Variants in APC observed in about 807,000 individuals in gnomAD.
APC encodes APC regulator of Wnt signaling pathway, also known as adenomatous polyposis coli protein.
A neutral mutation model predicts 247.0 loss-of-function variants in APC; 72 were observed. The ratio of observed to expected loss-of-function variants is 0.29; its 90% CI spans 0.24 to 0.35. APC has a LOEUF of 0.35. Ranked by LOEUF, APC falls within the 10% of genes least tolerant of loss-of-function variation. APC has a pLI of 1.00. For synonymous variants in APC, 1,254 were observed against 1,162.5 expected, an observed-to-expected ratio of 1.08 and a Z score of -1.60; for missense variants, 3,400 against 3,360.7, an observed-to-expected ratio of 1.01 and a Z score of -0.29.
At chr5:112,734,574 T>C (rs1752269621), upstream of APC, among the ~76,000 whole-genome samples, 1 of 152,204 alleles carries the variant, frequency 6.6e-6, no homozygotes, top group African/African-American at 2.4e-5. Context: ...AACTCTATTC[T>C]ATGTCTAAGG....
intron 6 of APC, among the ~76,000 whole-genome samples, chr5:112,783,468 C>T (rs1271482417): frequency 1.3e-5 from 2 of 151,904 alleles, no homozygotes; most frequent in Non-Finnish European, 2.9e-5. Context: ...AATATCCCTA[C>T]TCTACAAGGA....
chr5:112,766,805 T>TATAA, intron 3 of APC, among the ~76,000 whole-genome samples: 1 of 152,340 alleles, frequency 6.6e-6, no homozygotes, highest in South Asian at 2.1e-4. Flanking sequence ...TTTTCACATA[T>TATAA]ATAAGTTGAT....
Position 112,845,269 on chromosome 5 carries a change from T to C in APC, c.*1143T>C, listed in dbSNP as rs970594128. 4.3e-6 allele frequency: 1 copy of C among 232,664 alleles called. No homozygotes were observed. Among genetic ancestry groups the C allele is most frequent in the South Asian group, 1.8e-4 (1 of 5,522 alleles). 14.4% of individuals were successfully genotyped at this position (232,664 alleles called of 1,614,324 possible). Reference sequence around the variant, plus strand: ...TTTTTCTTACTCCACTGGAGCTCAGTAAAAGTAAATTCATGTAATAGCAAT... The same window carrying C: ...TTTTTCTTACTCCACTGGAGCTCAGCAAAAGTAAATTCATGTAATAGCAAT... On this transcript the variant is annotated 3_prime_UTR_variant, in exon 16 of 16. Coordinates refer to ENST00000257430, the MANE Select transcript of APC (RefSeq NM_000038.6).
At chr5:112,740,435 C>T (rs1487050360) in intron 1 of APC, among the ~76,000 whole-genome samples, 1 of 150,692 alleles carries the variant, frequency 6.6e-6, no homozygotes, top group Non-Finnish European at 1.5e-5. Flanking sequence ...CTGAATTGTG[C>T]TGTTTAAGGA....
intron 8 of APC, among the ~76,000 whole-genome samples, chr5:112,813,929 C>T (rs1762231260): frequency 6.6e-6 from 1 of 152,158 alleles, no homozygotes; most frequent in Non-Finnish European, 1.5e-5. Flanking sequence ...TTACCTTCTT[C>T]AATTAGCCAG....
intron 9 of APC, among the ~76,000 whole-genome samples, chr5:112,818,602 T>C (rs1580525446): frequency 6.6e-6 from 1 of 152,212 alleles, no homozygotes; most frequent in South Asian, 2.1e-4. Context: ...AACTACATTC[T>C]CTATGTGTGT....
chr5:112,815,849 T>C (rs1296875049), intron 9 of APC, among the ~76,000 whole-genome samples: 2 of 152,152 alleles, frequency 1.3e-5, no homozygotes, highest in East Asian at 3.9e-4. Context: ...GGCATGAGAA[T>C]AGTTGGAACC....
rs1194465545 is a variant in APC, at chr5:112,840,648, A to G, written c.5054A>G (p.Glu1685Gly). ...VRGGAQSGEFEKRDTIPTEGR... is the reference protein window; with the variant it reads ...VRGGAQSGEFGKRDTIPTEGR... ...GGAGGGGCACAGTCAGGTGAATTTG[A>G]AAAACGAGATACCATTCCTACAGAA... The change falls in exon 16 of 16, where the codon GAA (glutamate) becomes GGA (glycine). Residue 1685 changes from glutamate (E) to glycine (G), a missense_variant. Transcript: ENST00000257430. The surrounding 1 kb of genome is among the most constrained non-coding windows in gnomAD (Gnocchi z 4.1). 1 of 1,613,978 alleles carries G rather than the reference A, an allele frequency of 6.2e-7. No individual in the cohort carries two copies. The highest frequency in any genetic ancestry group is 1.1e-5 in the South Asian group (1 of 91,082).
upstream of APC, among the ~76,000 whole-genome samples, chr5:112,734,236 CATATAG>C (rs979500302): frequency 1.3e-5 from 2 of 152,116 alleles, no homozygotes; most frequent in Non-Finnish European, 2.9e-5. Context: ...GACAGACAGA[CATATAG>C]ATAAAGATAG....
chr5:112,834,494 C>G (rs1016631305), intron 14 of APC, among the ~76,000 whole-genome samples: 8 of 149,592 alleles, frequency 5.3e-5, no homozygotes, highest in African/African-American at 1.5e-4. Context: ...ATCCACCCGT[C>G]AGCCTCCCAA....
At chr5:112,757,776 C>G (rs1225985804) in intron 2 of APC, among the ~76,000 whole-genome samples, 1 of 152,094 alleles carries the variant, frequency 6.6e-6, no homozygotes, top group Admixed American at 6.5e-5. Context: ...TGTAGTAGTA[C>G]CATCTAGTGG....
At chr5:112,816,258 C>T (rs573359203) in intron 9 of APC, among the ~76,000 whole-genome samples, 1 of 152,348 alleles carries the variant, frequency 6.6e-6, no homozygotes, top group Admixed American at 6.5e-5. Context: ...TGTGATCCAT[C>T]TGCCTCATTT....
At chr5:112,752,027 T>C (rs1754437943) in intron 1 of APC, among the ~76,000 whole-genome samples, 1 of 152,090 alleles carries the variant, frequency 6.6e-6, no homozygotes, top group South Asian at 2.1e-4. Flanking sequence ...ATTAATTTTC[T>C]AATAGTGACT....
intron 6 of APC, among the ~76,000 whole-genome samples, chr5:112,783,438 GT>G (rs951944543): frequency 2.0e-5 from 3 of 152,008 alleles, no homozygotes; most frequent in Non-Finnish European, 4.4e-5. Context: ...GGAAATGTTG[GT>G]AGAATATATA....
chr5:112,833,132 G>T (rs969140303), intron 14 of APC, among the ~76,000 whole-genome samples: 9 of 150,872 alleles, frequency 6.0e-5, no homozygotes, highest in Admixed American at 3.3e-4. Context: ...TCCCGCCTCA[G>T]CTTCTCAAGT....
chr5:112,841,763 A>C lies in APC; in HGVS notation c.6169A>C (p.Lys2057Gln), dbSNP rs1561605597. The stretch of plus-strand genomic sequence containing the variant: ...AAAAAAGAAAAAGCCTTCAAGACTC[A>C]AGGGTGATAATGAAAAACATAGTCC... ...MPKKKKPSRL[K>Q]GDNEKHSPRN... Residue 2057 changes from lysine to glutamine, a missense_variant, in exon 16 of 16, where the codon AAG becomes CAG. Lys to Gln is a moderately conservative substitution (Grantham distance 53). Transcript: ENST00000257430. This position sits in a 1 kb window ranked among gnomAD's most constrained non-coding sequence, Gnocchi z 4.6. 1.2e-6 allele frequency: 2 copies of C among 1,614,098 alleles called. No individual in the cohort carries two copies. The highest frequency in any genetic ancestry group is 8.5e-7 in the Non-Finnish European group (1 of 1,179,928).
intron 7 of APC, among the ~76,000 whole-genome samples, chr5:112,794,359 C>T (rs74725869): frequency 6.6e-6 from 1 of 152,144 alleles, no homozygotes; most frequent in Non-Finnish European, 1.5e-5. Flanking sequence ...GGATTACAGG[C>T]GTGAGCCACT....
intron 5 of APC, chr5:112,778,530 A>G (rs542144670): frequency 1.3e-5 from 2 of 149,650 alleles, no homozygotes; most frequent in African/African-American, 2.4e-5. Context: ...GCTATTATCC[A>G]TAAATATTTC....
intron 2 of APC, among the ~76,000 whole-genome samples, chr5:112,762,667 A>G (rs896952019): frequency 1.3e-5 from 2 of 152,196 alleles, no homozygotes; most frequent in African/African-American, 4.8e-5. Context: ...AGAAGCCAGA[A>G]TAGTGGTTAC....
Sources: allele counts gnomAD v4.1 joint callset (sites outside exome capture counted in the v4.1 genomes callset), GRCh38; gene constraint gnomAD v4.1.1; non-coding constraint Gnocchi (gnomAD v3.1); transcripts MANE v1.5; gene names NCBI Gene and HGNC (gene_info 2026-07-23, HGNC 2026-07-21).